MILR1: variants seen among roughly 807,000 people sequenced by gnomAD.
MILR1 encodes the protein allergin-1.
In MILR1, 31 loss-of-function variants were observed where a neutral mutation model predicts 18.5. The ratio of observed to expected loss-of-function variants is 1.68; its 90% CI spans 1.26 to 2.26. MILR1 has a LOEUF of 2.26. MILR1 is among the 30% of genes most tolerant of loss of function. The pLI is 0.00. For missense variants in MILR1, 257 were observed against 157.4 expected (o/e 1.63, Z -3.38); for synonymous variants, 85 against 56.2 (o/e 1.51, Z -2.30).
At chr17:64,486,832 C>A in the MILR1 span, 13 of 152,012 alleles carry the variant, frequency 8.6e-5, no homozygotes, top group African/African-American at 3.1e-4. Flanking sequence ...TGCATTAAAG[C>A]CATAATTATG....
At chr17:64,485,670 G>T in the MILR1 span, 2 of 1,351,938 alleles carry the variant, frequency 1.5e-6, no homozygotes, top group South Asian at 2.3e-5. Context: ...CTAACATTAA[G>T]AACAAACAAA....
chr17:64,492,622 C>G, the MILR1 span: 1 of 1,120,080 alleles, frequency 8.9e-7, no homozygotes, highest in East Asian at 2.4e-5. Flanking sequence ...CACATTAAGA[C>G]AATTTATGTA....
At chr17:64,463,377 T>G (rs2037474461) in intron 5 of MILR1, among the ~76,000 whole-genome samples, 1 of 152,080 alleles carries the variant, frequency 6.6e-6, no homozygotes, top group Non-Finnish European at 1.5e-5. Flanking sequence ...GTTTTTTCAT[T>G]TGGTACACGA....
At chr17:64,481,021 A>T in the MILR1 span, among the ~76,000 whole-genome samples, 1 of 152,206 alleles carries the variant, frequency 6.6e-6, no homozygotes, top group South Asian at 2.1e-4. Flanking sequence ...AGCAAAATTT[A>T]AAAACCCCTT....
downstream of MILR1, among the ~76,000 whole-genome samples, chr17:64,470,093 TTTG>T (rs543411856): frequency 1.2e-3 from 188 of 152,102 alleles, no homozygotes; most frequent in Middle Eastern, 3.4e-3. Flanking sequence ...TAATATGAGT[TTTG>T]TTGTTGTTGT....
chr17:64,479,512 G>A, the MILR1 span, among the ~76,000 whole-genome samples: 1 of 151,970 alleles, frequency 6.6e-6, no homozygotes, highest in Admixed American at 6.6e-5. Flanking sequence ...CAAATGTTCA[G>A]AGAACTGAAG....
chr17:64,454,482 T>C (rs73332156), intron 3 of MILR1, among the ~76,000 whole-genome samples: 2 of 152,222 alleles, frequency 1.3e-5, no homozygotes, highest in East Asian at 1.9e-4. Flanking sequence ...AGCTGGTGGC[T>C]GCCACATTGG....
chr17:64,459,476 G>A (rs2037375560), intron 4 of MILR1, among the ~76,000 whole-genome samples: 2 of 151,926 alleles, frequency 1.3e-5, no homozygotes, highest in African/African-American at 4.8e-5. Context: ...GAAAAACTAG[G>A]TTAGCAAAGG....
At chr17:64,486,045 T>C in the MILR1 span, among the ~76,000 whole-genome samples, 1 of 151,966 alleles carries the variant, frequency 6.6e-6, no homozygotes, top group Non-Finnish European at 1.5e-5. Context: ...GCCTCCTGAG[T>C]ACATATTTTA....
intron 3 of MILR1, among the ~76,000 whole-genome samples, chr17:64,455,783 A>G (rs2037284492): frequency 6.6e-6 from 1 of 151,914 alleles, no homozygotes; most frequent in Admixed American, 6.6e-5. Context: ...TCACGCCTGT[A>G]ATCCCAGCAC....
chr17:64,463,817 A>AT (rs1200586705), intron 5 of MILR1, among the ~76,000 whole-genome samples: 2,726 of 103,920 alleles, frequency 0.026, 227 homozygotes, highest in African/African-American at 0.049. Flanking sequence ...CTCCTGGCTA[A>AT]TTTTTTTTTT....
At chr17:64,497,021 A>T in the MILR1 span, 2 of 1,512,246 alleles carry the variant, frequency 1.3e-6, no homozygotes, top group African/African-American at 2.7e-5. Flanking sequence ...GATCCCAACA[A>T]GCCACCACTA....
chr17:64,456,230 G>A lies in MILR1; in HGVS notation c.368-1170G>A, dbSNP rs950152077. Among the ~76,000 whole-genome samples the A allele has an allele frequency of 4.6e-5, 7 of 151,884 alleles. No homozygotes were observed. The East Asian group carries it at 1.2e-3, about 25-fold the overall frequency. On this transcript the variant is annotated intron_variant, in intron 3 of 9. Coordinates refer to ENST00000619286, the MANE Select transcript of MILR1 (RefSeq NM_001085423.2). Reference sequence around the variant, plus strand: ...TACAAGACTGTCGTGAAGGTCAAATGAGATCATGTGACTGGCACGCCTGGC... The same window carrying A: ...TACAAGACTGTCGTGAAGGTCAAATAAGATCATGTGACTGGCACGCCTGGC...
At chr17:64,492,710 C>T in the MILR1 span, 2 of 1,612,968 alleles carry the variant, frequency 1.2e-6, no homozygotes, top group Non-Finnish European at 1.7e-6. Flanking sequence ...GAAATCAAGC[C>T]ACTGGTTTGA....
At chr17:64,475,959 G>A in the MILR1 span, among the ~76,000 whole-genome samples, 4 of 151,258 alleles carry the variant, frequency 2.6e-5, no homozygotes, top group South Asian at 2.1e-4. Context: ...GATTACAGGC[G>A]CCCACCACCA....
intron 2 of MILR1, among the ~76,000 whole-genome samples, chr17:64,449,779 T>C (rs111221547): frequency 0.85 from 129,114 of 151,942 alleles, 54,859 homozygotes; most frequent in Middle Eastern, 0.88. Flanking sequence ...CTTAAAAAAA[T>C]AAAACAAAAT....
At chr17:64,452,252 TTTA>T (rs1396053494) in intron 2 of MILR1, among the ~76,000 whole-genome samples, 1 of 151,654 alleles carries the variant, frequency 6.6e-6, no homozygotes, top group Admixed American at 6.6e-5. Flanking sequence ...GAACTTTTTA[TTTA>T]TTATTATTTT....
At chr17:64,491,644 GT>G in the MILR1 span, 1 of 1,440,030 alleles carries the variant, frequency 6.9e-7, no homozygotes, top group Non-Finnish European at 9.7e-7. Context: ...TTTCAAAGAG[GT>G]TACTACTGGT....
the MILR1 span, among the ~76,000 whole-genome samples, chr17:64,480,770 G>C: frequency 6.6e-6 from 1 of 152,126 alleles, no homozygotes; most frequent in East Asian, 1.9e-4. Context: ...GGTGAGACCT[G>C]AGCCCTAGGT....
Sources: allele counts gnomAD v4.1 joint callset (sites outside exome capture counted in the v4.1 genomes callset), GRCh38; gene constraint gnomAD v4.1.1; transcripts MANE v1.5; gene names NCBI Gene and HGNC (gene_info 2026-07-23, HGNC 2026-07-21).